The following ACTN1 variants were observed in gnomAD, a reference collection of about 807,000 sequenced individuals.
ACTN1 encodes alpha-actinin-1.
A neutral mutation model predicts 119.6 loss-of-function variants in ACTN1; 30 were observed. That is an observed-to-expected ratio of 0.25 (90% CI 0.19 to 0.34). The LOEUF (loss-of-function observed/expected upper bound fraction) is 0.34. Among genes scored for constraint, ACTN1 ranks in the 10% least tolerant of loss-of-function variants. The pLI, the probability that ACTN1 is intolerant of heterozygous loss-of-function variation, is 1.00. For missense variants in ACTN1, 764 were observed against 1,223.4 expected (o/e 0.62, Z 5.60); for synonymous variants, 429 against 472.6 (o/e 0.91, Z 1.20).
chr14:68,944,929 G>A (rs1436782641), intron 1 of ACTN1, among the ~76,000 whole-genome samples: 1 of 148,832 alleles, frequency 6.7e-6, no homozygotes, highest in African/African-American at 2.4e-5. Flanking sequence ...CACCCTATGC[G>A]TGTGTGGAGC....
chr14:68,897,762 C>A (rs539806480), intron 8 of ACTN1, among the ~76,000 whole-genome samples: 2 of 152,324 alleles, frequency 1.3e-5, no homozygotes, highest in South Asian at 4.1e-4. Context: ...CTAAGAGAGC[C>A]CCAGATCAGC....
At chr14:68,917,656 T>C (rs928070767) in intron 3 of ACTN1, among the ~76,000 whole-genome samples, 4 of 152,238 alleles carry the variant, frequency 2.6e-5, no homozygotes, top group South Asian at 2.1e-4. Flanking sequence ...AGAGCGGCCA[T>C]TGTGGCATAA....
chr14:68,962,692 C>T (rs1339329851), intron 1 of ACTN1, among the ~76,000 whole-genome samples: 2 of 152,232 alleles, frequency 1.3e-5, no homozygotes, highest in Non-Finnish European at 2.9e-5. Flanking sequence ...TCACCAAGTC[C>T]TACTTCTCCC....
At chr14:68,899,274 C>T (rs2033129486) in intron 8 of ACTN1, among the ~76,000 whole-genome samples, 2 of 148,750 alleles carry the variant, frequency 1.3e-5, no homozygotes, top group African/African-American at 2.5e-5. Context: ...ACATGCCACA[C>T]CTCACACCAC....
intron 8 of ACTN1, among the ~76,000 whole-genome samples, chr14:68,894,285 T>C (rs1019892852): frequency 2.0e-5 from 3 of 152,180 alleles, no homozygotes; most frequent in African/African-American, 7.2e-5. Flanking sequence ...CCTGAAGCAC[T>C]TTAGAGAAAA....
intron 10 of ACTN1, 29 bp downstream of exon 10, chr14:68,892,024 G>A (rs770526263): frequency 6.2e-7 from 1 of 1,609,188 alleles, no homozygotes; most frequent in Non-Finnish European, 8.5e-7. Context: ...AGTCCAGTCT[G>A]GGGGCCCAGG....
chr14:68,883,065 G>C lies in ACTN1; in HGVS notation c.1636-10C>G. On this transcript the variant is annotated splice_polypyrimidine_tract_variant and intron_variant, in intron 14 of 21. Coordinates refer to ENST00000394419, the MANE Select transcript of ACTN1 (RefSeq NM_001130004.2). ...GGGCTGTGGTCAGTCCCTGGACAGA[G>C]ATGGGAATATGTGGGCAAGAGGAAC... 1.9e-6 allele frequency: 3 copies of C among 1,612,840 alleles called. No individual in the cohort carries two copies. Among genetic ancestry groups the C allele is most frequent in the Non-Finnish European group, 2.5e-6 (3 of 1,179,034 alleles).
intron 8 of ACTN1, among the ~76,000 whole-genome samples, chr14:68,898,767 C>A (rs567400790): frequency 1.3e-5 from 2 of 152,112 alleles, no homozygotes; most frequent in Non-Finnish European, 2.9e-5. Flanking sequence ...GTGACCTTGC[C>A]CTCAGGTGTG....
intron 3 of ACTN1, among the ~76,000 whole-genome samples, chr14:68,915,894 A>G (rs1327632156): frequency 6.6e-6 from 1 of 152,222 alleles, no homozygotes; most frequent in Non-Finnish European, 1.5e-5. Flanking sequence ...CATGCCTGCA[A>G]TCCCAGCTAC....
intron 1 of ACTN1, among the ~76,000 whole-genome samples, chr14:68,967,037 A>AC (rs1471290774): frequency 6.6e-6 from 1 of 152,204 alleles, no homozygotes; most frequent in East Asian, 1.9e-4. Flanking sequence ...CAACCAGCCT[A>AC]CCATTGGACG....
chr14:68,963,066 C>G (rs578251911), intron 1 of ACTN1, among the ~76,000 whole-genome samples: 1 of 152,304 alleles, frequency 6.6e-6, no homozygotes, highest in Admixed American at 6.5e-5. Flanking sequence ...GAACTTTGCA[C>G]TCCCTTTTTC....
Position 68,880,078 on chromosome 14 carries a change from T to A in ACTN1, c.2164A>T (p.Thr722Ser), listed in dbSNP as rs751863018. ...HIRVGWEQLL[T>S]TIARTINEVE... ...TCATTGATGGTCCTGGCGATGGTGG[T>A]GAGCAGCTGCTCCCAGCCCACACGG... The change falls in exon 18 of 22, where the codon ACC becomes TCC. Residue 722 changes from threonine (T) to serine (S), a missense_variant. Thr to Ser is a moderately conservative substitution (Grantham distance 58). Around this residue, in one of 4 missense-constraint regions of ACTN1, gnomAD observed 544 missense variants for 912.0 expected, o/e 0.60. Transcript: ENST00000394419. The surrounding 1 kb of genome is among the most constrained non-coding windows in gnomAD (Gnocchi z 4.6). The A allele has an allele frequency of 6.2e-7, 1 of 1,614,124 alleles. No homozygotes were observed. Among genetic ancestry groups the A allele is most frequent in the Non-Finnish European group, 8.5e-7 (1 of 1,179,968 alleles).
In ACTN1 at chr14:68,979,208, G is replaced by A; in HGVS notation, c.-152C>T. On this transcript the variant is annotated 5_prime_UTR_variant, in exon 1 of 22. Transcript: ENST00000394419. ...CTGCGCCCGGTTCCGCCGCGGCGCTGCTGGCGAAGGCTGCTACTGGCGGCG... is the reference window on the plus strand; with the variant it reads ...CTGCGCCCGGTTCCGCCGCGGCGCTACTGGCGAAGGCTGCTACTGGCGGCG... 1 of 486,442 alleles carries A rather than the reference G, an allele frequency of 2.1e-6. No individual in the cohort carries two copies. The highest frequency in any genetic ancestry group is 3.5e-6 in the Non-Finnish European group (1 of 283,292). The allele number at this position is 486,442 out of a possible 1,614,324, so 30.1% of individuals were successfully genotyped here.
chr14:68,879,797 A>T lies in ACTN1; in HGVS notation c.2280+165T>A. ...TATGGGGCACCAACACAGGTTTTCCAAGGCTGGTTTTGCAGGGTGCATTGA... is the reference window on the plus strand; with the variant it reads ...TATGGGGCACCAACACAGGTTTTCCTAGGCTGGTTTTGCAGGGTGCATTGA... On this transcript the variant is annotated intron_variant, in intron 18 of 21. Transcript: ENST00000394419. This position sits in a 1 kb window ranked among gnomAD's most constrained non-coding sequence, Gnocchi z 4.9. The T allele has an allele frequency of 1.0e-6, 1 of 956,992 alleles. No homozygotes were observed. The highest frequency in any genetic ancestry group is 1.5e-6 in the Non-Finnish European group (1 of 659,684). 59.3% of individuals were successfully genotyped at this position (956,992 alleles called of 1,614,324 possible). A position where few individuals can be genotyped will look rare whatever the true frequency, so the allele number is the denominator to read the frequency against.
intron 1 of ACTN1, among the ~76,000 whole-genome samples, chr14:68,934,556 G>A (rs985745285): frequency 3.3e-5 from 5 of 152,230 alleles, no homozygotes; most frequent in East Asian, 1.9e-4. Context: ...ACTCACCAAG[G>A]TGAACTAAGA....
chr14:68,927,185 C>T (rs2034969000), intron 1 of ACTN1, among the ~76,000 whole-genome samples: 1 of 152,108 alleles, frequency 6.6e-6, no homozygotes, highest in Non-Finnish European at 1.5e-5. Context: ...TTCCAATGTC[C>T]TCTCTATCTT....
chr14:68,915,228 G>A (rs540087305), intron 3 of ACTN1, among the ~76,000 whole-genome samples: 1 of 152,072 alleles, frequency 6.6e-6, no homozygotes, highest in Non-Finnish European at 1.5e-5. Flanking sequence ...GGCCGCCTGG[G>A]CCTCTTGTTC....
chr14:68,939,310 C>T (rs1462049544), intron 1 of ACTN1, among the ~76,000 whole-genome samples: 1 of 152,210 alleles, frequency 6.6e-6, no homozygotes, highest in Admixed American at 6.5e-5. Context: ...TCACCCCTCC[C>T]AGGGACCCAA....
Position 68,878,080 on chromosome 14 carries a change from G to A in ACTN1, c.2427+378C>T, listed in dbSNP as rs1398953277. The A allele has an allele frequency of 1.5e-5, 3 of 200,376 alleles. No individual in the cohort carries two copies. Among genetic ancestry groups the A allele is most frequent in the East Asian group, 1.2e-4 (1 of 8,306 alleles). 12.4% of individuals were successfully genotyped at this position (200,376 alleles called of 1,614,324 possible). ...CAGGCCCAACCAGAGTCACCGCCAG[G>A]ACAGAGGTGGAAGTCTCGGTTTCCA... On this transcript the variant is annotated intron_variant, in intron 20 of 21. Transcript: ENST00000394419. This position sits in a 1 kb window ranked among gnomAD's most constrained non-coding sequence, Gnocchi z 4.4.
Sources: allele counts gnomAD v4.1 joint callset (sites outside exome capture counted in the v4.1 genomes callset), GRCh38; gene constraint gnomAD v4.1.1; regional missense constraint gnomAD v4.1.1; non-coding constraint Gnocchi (gnomAD v3.1); transcripts MANE v1.5; gene names NCBI Gene and HGNC (gene_info 2026-07-23, HGNC 2026-07-21).